Variants in STRN3 observed in about 807,000 individuals in gnomAD.
The protein encoded by STRN3 is striatin-3.
STRN3 carries 29 observed loss-of-function variants against 95.6 expected under a neutral mutation model. The observed-to-expected ratio is 0.30, with a 90% CI of 0.23 to 0.41. STRN3 has a LOEUF of 0.41. Among genes scored for constraint, STRN3 ranks in the 10% least tolerant of loss-of-function variants. The pLI is 1.00. For missense variants in STRN3, 890 were observed against 972.1 expected, an observed-to-expected ratio of 0.92 and a Z score of 1.12; for synonymous variants, 331 against 357.6, an observed-to-expected ratio of 0.93 and a Z score of 0.84.
At chr14:30,963,079 CAT>C (rs1283622919) in intron 1 of STRN3, among the ~76,000 whole-genome samples, 1 of 130,054 alleles carries the variant, frequency 7.7e-6, no homozygotes, top group African/African-American at 2.6e-5. Flanking sequence ...TTACGTGACA[CAT>C]GACTACGCTA....
In STRN3 at chr14:30,961,755, C is replaced by T. The variant is rs1009484356; in HGVS notation, c.283-5513G>A. On this transcript the variant is annotated intron_variant, in intron 1 of 17. Coordinates refer to ENST00000357479, the MANE Select transcript of STRN3 (RefSeq NM_001083893.2). ...TCCTGCTTCAGCTTAAGGCTCGGGCCACCAGCCAGGCTAATTTTTTAAAAA... is the reference window on the plus strand; with the variant it reads ...TCCTGCTTCAGCTTAAGGCTCGGGCTACCAGCCAGGCTAATTTTTTAAAAA... Among the ~76,000 whole-genome samples the T allele has an allele frequency of 3.3e-5, 5 of 152,290 alleles. No individual in the cohort carries two copies. The East Asian group carries it at 5.8e-4, about 18-fold the overall frequency.
chr14:30,903,687 A>T (rs1387734546), intron 15 of STRN3, among the ~76,000 whole-genome samples: 1 of 152,206 alleles, frequency 6.6e-6, no homozygotes, highest in South Asian at 2.1e-4. Flanking sequence ...GCATGAGCCA[A>T]TGCGCCCAGC....
chr14:30,959,300 G>A (rs573660968), intron 1 of STRN3, among the ~76,000 whole-genome samples: 19 of 152,266 alleles, frequency 1.2e-4, no homozygotes, highest in Admixed American at 5.2e-4. Context: ...TCCAGCCTGA[G>A]CGACAGAGCA....
At chr14:31,000,331 G>A (rs1882385848) in intron 1 of STRN3, among the ~76,000 whole-genome samples, 1 of 152,016 alleles carries the variant, frequency 6.6e-6, no homozygotes. Context: ...GTGTTGATGG[G>A]TATACAATAG....
At position 30,895,275 on chromosome 14, in the gene STRN3, C is replaced by A. The variant is rs541461152; in HGVS notation, c.*136G>T. 2.0e-4 allele frequency: 170 copies of A among 841,526 alleles called. 5 individuals carry two copies. The South Asian group carries it at 2.7e-3, about 13-fold the overall frequency. 52.1% of individuals were successfully genotyped at this position (841,526 alleles called of 1,614,324 possible). A position where few individuals can be genotyped will look rare whatever the true frequency, so the allele number is the denominator to read the frequency against. On this transcript the variant is annotated 3_prime_UTR_variant, in exon 18 of 18. Coordinates refer to ENST00000357479, the MANE Select transcript of STRN3 (RefSeq NM_001083893.2). ...GCTTGACATTAAGATGTGATTTCCACCAATTTGTGCCTGCCCCAGATAGCC... is the reference window on the plus strand; with the variant it reads ...GCTTGACATTAAGATGTGATTTCCAACAATTTGTGCCTGCCCCAGATAGCC...
At chr14:30,957,355 A>T (rs970397460) in intron 1 of STRN3, among the ~76,000 whole-genome samples, 1 of 149,324 alleles carries the variant, frequency 6.7e-6, no homozygotes, top group Non-Finnish European at 1.5e-5. Flanking sequence ...CGGGAGGGTG[A>T]GGCAGAAGAA....
intron 1 of STRN3, among the ~76,000 whole-genome samples, chr14:31,015,583 G>A (rs1362166146): frequency 6.6e-6 from 1 of 152,042 alleles, no homozygotes; most frequent in Non-Finnish European, 1.5e-5. Context: ...ATGCTGGCCA[G>A]GCTGGTCTCG....
chr14:30,957,369 C>T (rs924191032), intron 1 of STRN3, among the ~76,000 whole-genome samples: 1 of 148,632 alleles, frequency 6.7e-6, no homozygotes, highest in African/African-American at 2.5e-5. Context: ...AGAAGAATGG[C>T]GTGAACCCAG....
chr14:30,960,651 C>A lies in STRN3; in HGVS notation c.283-4409G>T, dbSNP rs562952814. ...TTGGGAGGCTGAGGCGGGCAGATCACGAGGTCAGGAGATCGAGACCATCCT... is the reference window on the plus strand; with the variant it reads ...TTGGGAGGCTGAGGCGGGCAGATCAAGAGGTCAGGAGATCGAGACCATCCT... On this transcript the variant is annotated intron_variant, in intron 1 of 17. Coordinates refer to ENST00000357479, the MANE Select transcript of STRN3 (RefSeq NM_001083893.2). 6.2e-3 allele frequency among the ~76,000 whole-genome samples: 942 copies of A among 151,956 alleles called. 4 individuals carry two copies. The highest frequency in any genetic ancestry group is 0.011 in the Non-Finnish European group (726 of 67,870).
chr14:30,938,156 G>C (rs909507994), intron 5 of STRN3, among the ~76,000 whole-genome samples: 1 of 150,160 alleles, frequency 6.7e-6, no homozygotes, highest in African/African-American at 2.4e-5. Flanking sequence ...CAGATAGAAA[G>C]GGTTGACTAT....
chr14:31,018,954 C>A (rs1432809320), intron 1 of STRN3, among the ~76,000 whole-genome samples: 1 of 152,140 alleles, frequency 6.6e-6, no homozygotes, highest in Non-Finnish European at 1.5e-5. Flanking sequence ...GAAACCCCAT[C>A]CCTACTAAAA....
chr14:30,897,076 C>T (rs1332369624), intron 16 of STRN3, among the ~76,000 whole-genome samples: 2 of 152,140 alleles, frequency 1.3e-5, no homozygotes, highest in African/African-American at 2.4e-5. Flanking sequence ...CTTTATTACT[C>T]AAATGCCTGG....
At chr14:30,908,200 T>TG (rs1390926166) in intron 13 of STRN3, among the ~76,000 whole-genome samples, 1 of 152,074 alleles carries the variant, frequency 6.6e-6, no homozygotes, top group East Asian at 1.9e-4. Flanking sequence ...ATTACCATAG[T>TG]GAAAAAAAAC....
At chr14:30,939,740 T>C (rs886780087) in intron 5 of STRN3, among the ~76,000 whole-genome samples, 3 of 152,164 alleles carry the variant, frequency 2.0e-5, no homozygotes, top group Non-Finnish European at 4.4e-5. Context: ...GGAACAACCA[T>C]TTTTAAACTT....
At position 30,905,454 on chromosome 14, in the gene STRN3, G is replaced by C; in HGVS notation, c.1993C>G (p.Gln665Glu). The change falls in exon 15 of 18, where the codon CAG becomes GAG. Residue 665 changes from glutamine to glutamate, a missense_variant. Around this residue, in one of 3 missense-constraint regions of STRN3, gnomAD observed 357 missense variants for 422.8 expected, o/e 0.84. Transcript: ENST00000357479. ...TGTGATGAAAGTATCACCAATGACT[G>C]TGATGTTTCTAAATCATAAATTACT... Reference protein sequence around the residue: ...SAVIYDLETSQSLVILSSQVD... With the variant: ...SAVIYDLETSESLVILSSQVD... 1 of 1,607,714 alleles carries C rather than the reference G, an allele frequency of 6.2e-7. No individual in the cohort carries two copies.
At chr14:30,956,887 C>T (rs908853937) in intron 1 of STRN3, among the ~76,000 whole-genome samples, 4 of 152,216 alleles carry the variant, frequency 2.6e-5, no homozygotes, top group Non-Finnish European at 5.9e-5. Flanking sequence ...GAGCTAGGCA[C>T]GTGGCTCATG....
intron 1 of STRN3, among the ~76,000 whole-genome samples, chr14:30,958,004 TAATA>T (rs1348322838): frequency 2.6e-5 from 4 of 152,102 alleles, no homozygotes; most frequent in Non-Finnish European, 5.9e-5. Context: ...AACACCTAAG[TAATA>T]AATAACTGCT....
chr14:30,974,607 C>CCAA (rs1555322944), intron 1 of STRN3, among the ~76,000 whole-genome samples: 1 of 120,680 alleles, frequency 8.3e-6, no homozygotes, highest in South Asian at 2.8e-4. Context: ...AGCATAACTA[C>CCAA]AAAAAAAAAA....
At chr14:30,903,089 G>A (rs963227756) in intron 15 of STRN3, among the ~76,000 whole-genome samples, 4 of 151,300 alleles carry the variant, frequency 2.6e-5, no homozygotes, top group African/African-American at 9.7e-5. Flanking sequence ...GATCTTTAAA[G>A]ATGAGATTTT....
Sources: allele counts gnomAD v4.1 joint callset (sites outside exome capture counted in the v4.1 genomes callset), GRCh38; gene constraint gnomAD v4.1.1; regional missense constraint gnomAD v4.1.1; transcripts MANE v1.5; gene names NCBI Gene and HGNC (gene_info 2026-07-23, HGNC 2026-07-21).